The following SMIM14 variants were observed in gnomAD, a reference collection of about 807,000 sequenced individuals.
SMIM14 encodes small integral membrane protein 14.
SMIM14 carries 5 observed loss-of-function variants against 12.6 expected under a neutral mutation model. The ratio of observed to expected loss-of-function variants is 0.40; its 90% CI spans 0.21 to 0.83. The LOEUF (loss-of-function observed/expected upper bound fraction) is 0.83. SMIM14 is among the 40% of genes least tolerant of loss of function. The pLI is 0.37. For synonymous variants in SMIM14, 30 were observed against 40.1 expected (o/e 0.75, Z 0.95); for missense variants, 86 against 119.1 (o/e 0.72, Z 1.29).
chr4:39,552,023 T>C lies in SMIM14; in HGVS notation c.*103A>G, dbSNP rs575269504. On this transcript the variant is annotated 3_prime_UTR_variant, in exon 5 of 5. Transcript: ENST00000295958. ...AAACAATACCATCCCATATTGCAGA[T>C]ACAAAAGGAAAAACAGTTCTAATGG... 2.2e-6 allele frequency: 2 copies of C among 897,834 alleles called. No individual in the cohort carries two copies. Among genetic ancestry groups the C allele is most frequent in the East Asian group, 2.8e-5 (1 of 36,240 alleles). 55.6% of individuals were successfully genotyped at this position (897,834 alleles called of 1,614,324 possible). A position where few individuals can be genotyped will look rare whatever the true frequency, so the allele number is the denominator to read the frequency against.
intron 3 of SMIM14, among the ~76,000 whole-genome samples, chr4:39,570,641 C>A (rs2110005180): frequency 6.6e-6 from 1 of 150,554 alleles, no homozygotes; most frequent in South Asian, 2.1e-4. Context: ...TGCTTCCCCA[C>A]AATGAATTAT....
At chr4:39,627,530 T>C (rs574522827) in intron 1 of SMIM14, among the ~76,000 whole-genome samples, 1 of 152,328 alleles carries the variant, frequency 6.6e-6, no homozygotes, top group African/African-American at 2.4e-5. Context: ...CTATTCATTT[T>C]AAACAGTTGC....
At chr4:39,608,125 T>TTATC in intron 1 of SMIM14, among the ~76,000 whole-genome samples, 1 of 152,318 alleles carries the variant, frequency 6.6e-6, no homozygotes, top group South Asian at 2.1e-4. Context: ...TAAACACAGA[T>TTATC]TATCATAAGA....
intron 1 of SMIM14, among the ~76,000 whole-genome samples, chr4:39,628,122 C>T (rs1283384739): frequency 1.3e-5 from 2 of 151,840 alleles, no homozygotes; most frequent in Non-Finnish European, 2.9e-5. Context: ...GCCTGGCCAA[C>T]ATGGTGAAAC....
intron 3 of SMIM14, among the ~76,000 whole-genome samples, chr4:39,568,781 A>G (rs955409959): frequency 2.0e-5 from 3 of 152,222 alleles, no homozygotes; most frequent in Non-Finnish European, 2.9e-5. Context: ...AATTTAGAAT[A>G]TAAGAAAAAT....
intron 2 of SMIM14, among the ~76,000 whole-genome samples, chr4:39,576,713 T>A (rs1178903021): frequency 1.5e-4 from 11 of 72,330 alleles, no homozygotes; most frequent in African/African-American, 3.2e-4. Context: ...TTTTTTTTTT[T>A]TTTTTTTTTT....
chr4:39,574,751 A>ATT lies in SMIM14; in HGVS notation c.76-2289_76-2288insAA, dbSNP rs558933726. 2.1e-4 allele frequency among the ~76,000 whole-genome samples: 32 copies of ATT among 152,334 alleles called. No homozygotes were observed. In the East Asian group the frequency reaches 6.2e-3, roughly 29 times the overall value. Reference sequence around the variant, plus strand: ...CCATACAAATTATGACTTCAACTAAACAACTATTGGAATTAACAACTAAAC... The same window carrying ATT: ...CCATACAAATTATGACTTCAACTAAATTCAACTATTGGAATTAACAACTAAAC... On this transcript the variant is annotated intron_variant, in intron 2 of 4. Coordinates refer to ENST00000295958, the MANE Select transcript of SMIM14 (RefSeq NM_174921.3).
At chr4:39,591,934 C>T (rs142706001) in intron 2 of SMIM14, among the ~76,000 whole-genome samples, 128 of 152,246 alleles carry the variant, frequency 8.4e-4, no homozygotes, top group African/African-American at 3.0e-3. Flanking sequence ...TGGCTCACGA[C>T]TGTAATCTTA....
intron 3 of SMIM14, among the ~76,000 whole-genome samples, chr4:39,567,364 G>A (rs1712630886): frequency 6.6e-6 from 1 of 152,140 alleles, no homozygotes; most frequent in African/African-American, 2.4e-5. Context: ...TGCACTTTGG[G>A]AGGCCAAGGC....
At chr4:39,562,047 C>G (rs968264542) in intron 3 of SMIM14, among the ~76,000 whole-genome samples, 1 of 152,052 alleles carries the variant, frequency 6.6e-6, no homozygotes, top group Non-Finnish European at 1.5e-5. Flanking sequence ...GCAGCTTTTC[C>G]TTCTTGCTTA....
At chr4:39,608,044 C>A (rs1714879465) in intron 1 of SMIM14, among the ~76,000 whole-genome samples, 1 of 152,136 alleles carries the variant, frequency 6.6e-6, no homozygotes. Context: ...AAAACTAGAA[C>A]CCTCATACAA....
At chr4:39,570,909 A>G (rs1712846849) in intron 3 of SMIM14, among the ~76,000 whole-genome samples, 2 of 152,176 alleles carry the variant, frequency 1.3e-5, no homozygotes. Context: ...GTAAGTTTAT[A>G]TGAAATCTAA....
intron 3 of SMIM14, among the ~76,000 whole-genome samples, chr4:39,571,612 A>G (rs1712894550): frequency 6.6e-6 from 1 of 152,120 alleles, no homozygotes; most frequent in Non-Finnish European, 1.5e-5. Flanking sequence ...AAAGAAAAAA[A>G]AAGAATTCTC....
chr4:39,560,056 A>C (rs910827884), intron 3 of SMIM14, among the ~76,000 whole-genome samples: 1 of 151,826 alleles, frequency 6.6e-6, no homozygotes, highest in African/African-American at 2.4e-5. Flanking sequence ...CAGGAGGTGG[A>C]GGTTGCAGTG....
intron 1 of SMIM14, among the ~76,000 whole-genome samples, chr4:39,636,617 G>T (rs1716099738): frequency 6.6e-6 from 1 of 152,114 alleles, no homozygotes; most frequent in Non-Finnish European, 1.5e-5. Flanking sequence ...GAGGCCAGAA[G>T]ATCACTTGAG....
rs1222842894 is a variant in SMIM14 at position 39,638,797 on chromosome 4, G to GA, written c.-95dup. On this transcript the variant is annotated 5_prime_UTR_variant, in exon 1 of 5. Transcript: ENST00000295958. ...TGGGGGCCGGGACCGAGGCTCGGCA[G>GA]AAAGACCGCCTGGAGCTTCCAGAAG... 4 of 985,730 alleles carry GA rather than the reference G, an allele frequency of 4.1e-6. No homozygotes were observed. Among genetic ancestry groups the GA allele is most frequent in the Non-Finnish European group, 4.8e-6 (4 of 830,158 alleles). The allele number at this position is 985,730 out of a possible 1,614,324, so 61.1% of individuals were successfully genotyped here. A position where few individuals can be genotyped will look rare whatever the true frequency, so the allele number is the denominator to read the frequency against.
Position 39,561,945 on chromosome 4 carries a change from A to C in SMIM14, c.125-5375T>G, listed in dbSNP as rs183633185. ...GAGACTCCATCTCAACAACAACAACAACCAAATAGTAATGTCCACTTCTTT... is the reference window on the plus strand; with the variant it reads ...GAGACTCCATCTCAACAACAACAACCACCAAATAGTAATGTCCACTTCTTT... On this transcript the variant is annotated intron_variant, in intron 3 of 4. Transcript: ENST00000295958. Among the ~76,000 whole-genome samples, 79 of 151,786 alleles carry C rather than the reference A, an allele frequency of 5.2e-4. 2 individuals carry two copies. The highest frequency in any genetic ancestry group is 1.7e-3 in the African/African-American group (72 of 41,334).
At chr4:39,581,606 C>T (rs772320165) in intron 2 of SMIM14, among the ~76,000 whole-genome samples, 14 of 149,706 alleles carry the variant, frequency 9.4e-5, no homozygotes, top group Non-Finnish European at 2.1e-4. Context: ...ACCTCTGCAC[C>T]CCCACCCACC....
At position 39,638,754 on chromosome 4, in the gene SMIM14, C is replaced by G. The variant is rs981362413; in HGVS notation, c.-51G>C. The G allele has an allele frequency of 2.7e-5, 27 of 985,352 alleles. No individual in the cohort carries two copies. Among genetic ancestry groups the G allele is most frequent in the Non-Finnish European group, 3.1e-5 (26 of 829,996 alleles). 61.0% of individuals were successfully genotyped at this position (985,352 alleles called of 1,614,324 possible). A position where few individuals can be genotyped will look rare whatever the true frequency, so the allele number is the denominator to read the frequency against. On this transcript the variant is annotated 5_prime_UTR_variant, in exon 1 of 5. Transcript: ENST00000295958. ...AGACACTCACCCGCCCAGACAACAA[C>G]CGATGGGGCGGGGAGGATGGGGGCC...
Sources: gnomAD v4.1 joint callset for allele counts (sites outside exome capture counted in the v4.1 genomes callset) on GRCh38, gnomAD v4.1.1 for gene constraint, MANE v1.5 for transcripts, NCBI Gene and HGNC (gene_info 2026-07-23, HGNC 2026-07-21) for gene names.